ST7: variants seen among roughly 807,000 people sequenced by gnomAD.
ST7 encodes the protein suppression of tumorigenicity 7, also known as suppressor of tumorigenicity 7 protein.
Under a neutral mutation model 78.7 loss-of-function variants are expected in ST7, and 28 were observed. The observed-to-expected ratio is 0.36, with a 90% confidence interval of 0.26 to 0.49. ST7 has a LOEUF of 0.49. Ranked by LOEUF, ST7 falls within the 20% of genes least tolerant of loss-of-function variation. The probability of loss-of-function intolerance (pLI) is 0.99; values close to 1 mark genes in which losing one functional copy is unlikely to be tolerated. For missense variants in ST7, 418 were observed against 696.0 expected (o/e 0.60, Z 4.49); for synonymous variants, 247 against 249.6 (o/e 0.99, Z 0.10).
intron 1 of ST7, among the ~76,000 whole-genome samples, chr7:117,088,620 T>A (rs1311356977): frequency 6.6e-6 from 1 of 152,216 alleles, no homozygotes; most frequent in Non-Finnish European, 1.5e-5. Context: ...TAGCATGTAA[T>A]CTTCCAAATC....
intron 1 of ST7, among the ~76,000 whole-genome samples, chr7:117,003,510 C>T (rs898794172): frequency 3.3e-5 from 5 of 152,122 alleles, no homozygotes; most frequent in Non-Finnish European, 7.3e-5. Context: ...GTTGAACAGG[C>T]TGGTCTTGAA....
intron 1 of ST7, among the ~76,000 whole-genome samples, chr7:117,045,789 A>C (rs1322105248): frequency 2.0e-5 from 3 of 152,210 alleles, no homozygotes; most frequent in Admixed American, 6.5e-5. Flanking sequence ...GGAATGAATA[A>C]ATTTACTCAC....
At chr7:117,041,490 A>AT (rs1797226546) in intron 1 of ST7, among the ~76,000 whole-genome samples, 1 of 152,146 alleles carries the variant, frequency 6.6e-6, no homozygotes, top group African/African-American at 2.4e-5. Context: ...TATTTGATTA[A>AT]TGCTTGGTGC....
intron 1 of ST7, among the ~76,000 whole-genome samples, chr7:117,084,488 A>G (rs1334923261): frequency 6.6e-6 from 1 of 152,158 alleles, no homozygotes; most frequent in African/African-American, 2.4e-5. Flanking sequence ...AAGCCCTTAG[A>G]ACAATGGTTA....
chr7:117,148,603 C>T (rs138058887), intron 9 of ST7, among the ~76,000 whole-genome samples: 79 of 152,272 alleles, frequency 5.2e-4, no homozygotes, highest in African/African-American at 1.8e-3. Flanking sequence ...ACTGATTCAA[C>T]ATTTTAAATT....
At chr7:117,012,902 G>T (rs902209357) in intron 1 of ST7, among the ~76,000 whole-genome samples, 1 of 152,122 alleles carries the variant, frequency 6.6e-6, no homozygotes, top group Non-Finnish European at 1.5e-5. Flanking sequence ...TAAGTAGGTT[G>T]TAGGTTTTAT....
At chr7:117,184,750 C>T (rs1294527010) in intron 10 of ST7, among the ~76,000 whole-genome samples, 1 of 152,076 alleles carries the variant, frequency 6.6e-6, no homozygotes, top group Non-Finnish European at 1.5e-5. Context: ...GACATGCACA[C>T]TTGATTTTAT....
chr7:117,098,758 G>C (rs1801320671), intron 1 of ST7: 1 of 1,297,464 alleles, frequency 7.7e-7, no homozygotes, highest in African/African-American at 1.5e-5. Flanking sequence ...GACTGGATGT[G>C]ATTCCCTTCT....
chr7:117,161,456 C>T (rs1192538808), intron 9 of ST7, among the ~76,000 whole-genome samples: 2 of 149,984 alleles, frequency 1.3e-5, no homozygotes, highest in African/African-American at 4.9e-5. Context: ...TTTTTTTGTT[C>T]TTTTTTCACC....
intron 1 of ST7, among the ~76,000 whole-genome samples, chr7:116,970,410 G>A (rs1161615259): frequency 1.3e-5 from 2 of 152,156 alleles, no homozygotes; most frequent in East Asian, 1.9e-4. Context: ...CATTTATTAC[G>A]TACAGTTCTG....
chr7:117,120,900 G>T (rs554108783), intron 3 of ST7, among the ~76,000 whole-genome samples: 13 of 152,242 alleles, frequency 8.5e-5, no homozygotes, highest in Admixed American at 5.9e-4. Flanking sequence ...AAGAGAGACA[G>T]CAAAATAACA....
intron 1 of ST7, among the ~76,000 whole-genome samples, chr7:116,978,394 G>C (rs1271207737): frequency 6.6e-6 from 1 of 152,140 alleles, no homozygotes; most frequent in Admixed American, 6.6e-5. Context: ...GACAACAGAG[G>C]AGATCAAAGA....
intron 1 of ST7, among the ~76,000 whole-genome samples, chr7:117,044,004 A>C (rs1405315960): frequency 4.6e-5 from 7 of 152,234 alleles, no homozygotes; most frequent in Admixed American, 4.6e-4. Flanking sequence ...TACTAAGACC[A>C]GGACTTACTC....
intron 3 of ST7, among the ~76,000 whole-genome samples, chr7:117,125,053 G>A (rs1803715658): frequency 6.6e-6 from 1 of 152,080 alleles, no homozygotes. Context: ...CTTAATGAGG[G>A]TAAACTCACC....
intron 1 of ST7, among the ~76,000 whole-genome samples, chr7:117,069,809 G>T (rs1482877786): frequency 6.6e-6 from 1 of 152,156 alleles, no homozygotes; most frequent in Non-Finnish European, 1.5e-5. Flanking sequence ...CTTCAGTTCA[G>T]TGCTTCTCAA....
intron 1 of ST7, among the ~76,000 whole-genome samples, chr7:117,035,346 C>T (rs900098335): frequency 6.6e-6 from 1 of 151,984 alleles, no homozygotes; most frequent in East Asian, 1.9e-4. Flanking sequence ...GAATATGGCT[C>T]GCCTTTGTTT....
chr7:117,001,669 G>T (rs538416699), intron 1 of ST7, among the ~76,000 whole-genome samples: 1 of 152,230 alleles, frequency 6.6e-6, no homozygotes, highest in South Asian at 2.1e-4. Context: ...GAACATTTTT[G>T]ATACAGTTTA....
At chr7:117,191,216 G>T (rs1247815984) in intron 12 of ST7, among the ~76,000 whole-genome samples, 4 of 152,090 alleles carry the variant, frequency 2.6e-5, no homozygotes, top group Non-Finnish European at 5.9e-5. Context: ...AGATATCCCG[G>T]GAGTGTTGAC....
chr7:117,114,577 A>C (rs1373810796), intron 2 of ST7, among the ~76,000 whole-genome samples: 4 of 152,122 alleles, frequency 2.6e-5, no homozygotes, highest in African/African-American at 9.7e-5. Context: ...TTTAATTCTT[A>C]AGAAGCACTT....
Sources: allele counts gnomAD v4.1 joint callset (sites outside exome capture counted in the v4.1 genomes callset), GRCh38; gene constraint gnomAD v4.1.1; transcripts MANE v1.5; gene names NCBI Gene and HGNC (gene_info 2026-07-23, HGNC 2026-07-21).